SLC9A3: variants seen among roughly 807,000 people sequenced by gnomAD.
SLC9A3 encodes sodium/hydrogen exchanger 3.
A neutral mutation model predicts 86.8 loss-of-function variants in SLC9A3; 37 were observed. The ratio of observed to expected loss-of-function variants is 0.43; its 90% CI spans 0.33 to 0.56. The LOEUF is 0.56. Among genes scored for constraint, SLC9A3 ranks in the 20% least tolerant of loss-of-function variants. The pLI is 0.06. For synonymous variants in SLC9A3, 581 were observed against 528.3 expected, an observed-to-expected ratio of 1.10 and a Z score of -1.37; for missense variants, 1,011 against 1,171.9, an observed-to-expected ratio of 0.86 and a Z score of 2.00.
intron 1 of SLC9A3, among the ~76,000 whole-genome samples, chr5:504,843 G>A (rs1402871721): frequency 1.3e-5 from 2 of 152,174 alleles, no homozygotes; most frequent in African/African-American, 4.8e-5. Context: ...GGTGCGGCTG[G>A]TTGAGTGGCA....
In SLC9A3 at chr5:473,319, G is replaced by T; in HGVS notation, c.*60C>A. 1 of 1,391,768 alleles carries T rather than the reference G, an allele frequency of 7.2e-7. No individual in the cohort carries two copies. The allele number at this position is 1,391,768 out of a possible 1,614,324, so 86.2% of individuals were successfully genotyped here. A position where few individuals can be genotyped will look rare whatever the true frequency, so the allele number is the denominator to read the frequency against. The stretch of plus-strand genomic sequence containing the variant: ...GGGTTTCTCTGGGACAGCGGCGGCG[G>T]CGGTGGGCGGACCGTGGCGCGGGGA... On this transcript the variant is annotated 3_prime_UTR_variant, in exon 17 of 17. Coordinates refer to ENST00000264938, the MANE Select transcript of SLC9A3 (RefSeq NM_004174.4).
intron 10 of SLC9A3, chr5:478,335 G>A (rs936806179): frequency 6.6e-6 from 1 of 152,288 alleles, no homozygotes; most frequent in Non-Finnish European, 1.5e-5. Context: ...GGGAGCCACG[G>A]TGCTAACTGC....
Position 524,224 on chromosome 5 carries a change from G to T in SLC9A3, c.99C>A (p.Gly33=), listed in dbSNP as rs763088773. Residue 33 remains glycine (G), a synonymous_variant, in exon 1 of 17, where the codon GGC becomes GGA. Coordinates refer to ENST00000264938, the MANE Select transcript of SLC9A3 (RefSeq NM_004174.4). ...AGCCCCCGCTCTCGCCGTGCGCGCC[G>T]CCGGGCTCCACCTCGACGCCCCCGG... ...ARAGGVEVEP[G]GAHGESGGFQ... 6.6e-7 allele frequency: 1 copy of T among 1,507,722 alleles called. No individual in the cohort carries two copies. Among genetic ancestry groups the T allele is most frequent in the Admixed American group, 2.2e-5 (1 of 45,280 alleles). The allele number at this position is 1,507,722 out of a possible 1,614,324, so 93.4% of individuals were successfully genotyped here. A position where few individuals can be genotyped will look rare whatever the true frequency, so the allele number is the denominator to read the frequency against.
chr5:513,804 C>G (rs903909910), intron 1 of SLC9A3, among the ~76,000 whole-genome samples: 12 of 152,224 alleles, frequency 7.9e-5, no homozygotes, highest in African/African-American at 2.9e-4. Flanking sequence ...TCTCAGGAAG[C>G]TTTAACTTCC....
intron 11 of SLC9A3, 143 bp from the exon 12 acceptor site, chr5:476,815 C>T: frequency 2.0e-6 from 2 of 1,002,744 alleles, no homozygotes; most frequent in Non-Finnish European, 1.5e-6. Flanking sequence ...CCGGCTGGGG[C>T]ACGGGGACAT....
chr5:515,426 T>C (rs1389204916), intron 1 of SLC9A3, among the ~76,000 whole-genome samples: 1 of 152,008 alleles, frequency 6.6e-6, no homozygotes, highest in Non-Finnish European at 1.5e-5. Flanking sequence ...CAATTCTTCC[T>C]AGACTGACGA....
chr5:496,458 C>A lies in SLC9A3; in HGVS notation c.212-4387G>T, dbSNP rs1740026009. On this transcript the variant is annotated intron_variant, in intron 1 of 16. Transcript: ENST00000264938. This position sits in a 1 kb window ranked among gnomAD's most constrained non-coding sequence, Gnocchi z 4.7. Reference sequence around the variant, plus strand: ...GTTCTGTGAAAGTGTCGGCTTGCTCCCCTGCCGGGCACTGATCCTTTCCTA... The same window carrying A: ...GTTCTGTGAAAGTGTCGGCTTGCTCACCTGCCGGGCACTGATCCTTTCCTA... 6.6e-6 allele frequency among the ~76,000 whole-genome samples: 1 copy of A among 152,246 alleles called. No homozygotes were observed. The highest frequency in any genetic ancestry group is 2.1e-4 in the South Asian group (1 of 4,836).
chr5:488,230 C>T, intron 3 of SLC9A3, 86 bp downstream of exon 3: 1 of 1,473,134 alleles, frequency 6.8e-7, no homozygotes, highest in Non-Finnish European at 9.4e-7. Context: ...TTCACGCCCT[C>T]CTTTGCTGAC....
chr5:477,284 C>T (rs201444834), intron 11 of SLC9A3, 48 bp downstream of exon 11: 129 of 1,370,444 alleles, frequency 9.4e-5, no homozygotes, highest in South Asian at 7.0e-4. Flanking sequence ...TCTCAGCTCC[C>T]GAGGCTGGGC....
Position 479,827 on chromosome 5 carries a change from C to T in SLC9A3, c.1647+9G>A, listed in dbSNP as rs768447172. The T allele has an allele frequency of 3.1e-6, 5 of 1,612,916 alleles. No individual in the cohort carries two copies. Among genetic ancestry groups the T allele is most frequent in the Non-Finnish European group, 3.4e-6 (4 of 1,179,880 alleles). ...AGCCCCGACCCGGCAGAGCAAGCGG[C>T]TCTGCTACCTCAGCCACGTAGCTGA... On this transcript the variant is annotated intron_variant, in intron 10 of 16. Coordinates refer to ENST00000264938, the MANE Select transcript of SLC9A3 (RefSeq NM_004174.4).
chr5:516,489 G>A (rs1412852080), intron 1 of SLC9A3, among the ~76,000 whole-genome samples: 2 of 152,240 alleles, frequency 1.3e-5, no homozygotes, highest in African/African-American at 2.4e-5. Flanking sequence ...AGGGTGCCAG[G>A]TTGGGCAGTT....
intron 6 of SLC9A3, 143 bp downstream of exon 6, chr5:483,119 G>T (rs902766569): frequency 4.5e-6 from 3 of 668,554 alleles, no homozygotes; most frequent in East Asian, 5.6e-5. Context: ...CCCCAGCCCC[G>T]AGGCCGCCAC....
intron 1 of SLC9A3, among the ~76,000 whole-genome samples, chr5:514,946 C>G (rs1162571439): frequency 1.3e-5 from 2 of 152,096 alleles, no homozygotes; most frequent in African/African-American, 4.8e-5. Context: ...CTGTCCCTCC[C>G]CAGGGCTGGC....
At chr5:473,428 G>T (rs905585215) in intron 16 of SLC9A3, 46 bp from the exon 17 acceptor site, 7 of 1,342,040 alleles carry the variant, frequency 5.2e-6, no homozygotes, top group Non-Finnish European at 6.7e-6. Flanking sequence ...CCGGGCGCTG[G>T]GGCGGGAGGG....
At position 484,536 on chromosome 5, in the gene SLC9A3, G is replaced by A. The variant is rs1739373896; in HGVS notation, c.916C>T (p.Leu306=). ...GGGACTCACGCGAGGATGGCCGACAGCGACAGCATCTCGGACGTCAGGTAG... is the reference window on the plus strand; with the variant it reads ...GGGACTCACGCGAGGATGGCCGACAACGACAGCATCTCGGACGTCAGGTAG... ...LSYLTSEMLS[L]SAILAITFCG... Residue 306 remains leucine, a synonymous_variant, in exon 5 of 17, where the codon CTG becomes TTG. Transcript: ENST00000264938. The A allele has an allele frequency of 2.5e-6, 4 of 1,613,140 alleles. No homozygotes were observed. The highest frequency in any genetic ancestry group is 3.4e-6 in the Non-Finnish European group (4 of 1,179,980).
At chr5:488,545 C>A in intron 2 of SLC9A3, 69 bp from the exon 3 acceptor site, 11 of 1,416,480 alleles carry the variant, frequency 7.8e-6, no homozygotes, top group Non-Finnish European at 1.0e-5. Flanking sequence ...CCTGGGGAGG[C>A]GCTCGCCTAC....
rs909349147 is a variant in SLC9A3 at position 491,255 on chromosome 5, GGCGCCAGCC to G, written c.514+505_514+513del. ...CTGCACCGCACCTGGCATGTTGAGA[GGCGCCAGCC>G]ACGCGTGGTCTGGGTCCGGGGCGGG... On this transcript the variant is annotated intron_variant, in intron 2 of 16. Coordinates refer to ENST00000264938, the MANE Select transcript of SLC9A3 (RefSeq NM_004174.4). This position sits in a 1 kb window ranked among gnomAD's most constrained non-coding sequence, Gnocchi z 9.2. Among the ~76,000 whole-genome samples, 19 of 152,216 alleles carry G rather than the reference GGCGCCAGCC, an allele frequency of 1.2e-4. No homozygotes were observed. Among genetic ancestry groups the G allele is most frequent in the Non-Finnish European group, 2.5e-4 (17 of 68,028 alleles).
At chr5:522,368 G>A (rs369099935) in intron 1 of SLC9A3, among the ~76,000 whole-genome samples, 1 of 152,346 alleles carries the variant, frequency 6.6e-6, no homozygotes, top group African/African-American at 2.4e-5. Flanking sequence ...CCCAGGCGGG[G>A]CTGGCTGGTG....
chr5:502,655 T>C (rs555891338), intron 1 of SLC9A3, among the ~76,000 whole-genome samples: 81 of 152,296 alleles, frequency 5.3e-4, no homozygotes, highest in Admixed American at 1.6e-3. Flanking sequence ...AACGTTCTCA[T>C]AACCACTTAA....
Sources: gnomAD v4.1 joint callset for allele counts (sites outside exome capture counted in the v4.1 genomes callset) on GRCh38, gnomAD v4.1.1 for gene constraint, Gnocchi (gnomAD v3.1) non-coding constraint, MANE v1.5 for transcripts, NCBI Gene and HGNC (gene_info 2026-07-23, HGNC 2026-07-21) for gene names.